The following MAGI2 variants were observed in gnomAD, a reference collection of about 807,000 sequenced individuals.
MAGI2 encodes membrane-associated guanylate kinase, WW and PDZ domain-containing protein 2.
A neutral mutation model predicts 133.3 loss-of-function variants in MAGI2; 35 were observed. That is an observed-to-expected ratio of 0.26 (90% CI 0.20 to 0.35). The LOEUF (loss-of-function observed/expected upper bound fraction) is 0.35, where lower values mean the gene tolerates loss of function less well. MAGI2 is among the 10% of genes least tolerant of loss of function. The probability of loss-of-function intolerance (pLI) is 1.00; values close to 1 mark genes in which losing one functional copy is unlikely to be tolerated. For synonymous variants in MAGI2, 729 were observed against 710.6 expected (o/e 1.03, Z -0.41); for missense variants, 1,636 against 1,863.4 (o/e 0.88, Z 2.25).
At chr7:79,111,099 A>G (rs1332217150) in intron 1 of MAGI2, among the ~76,000 whole-genome samples, 1 of 152,214 alleles carries the variant, frequency 6.6e-6, no homozygotes, top group Non-Finnish European at 1.5e-5. Context: ...CTAATTGTCA[A>G]TACCATGTAT....
Position 78,680,731 on chromosome 7 carries a change from T to C in MAGI2, c.419-53492A>G, listed in dbSNP as rs191652886. Among the ~76,000 whole-genome samples the C allele has an allele frequency of 4.6e-5, 7 of 152,316 alleles. No individual in the cohort carries two copies. In the East Asian group the frequency reaches 1.4e-3, roughly 29 times the overall value. ...CAAATCATTCTTTGTAGAGCTGACCTAAATCCCTCTTAACCCAGTAGGATT... is the reference window on the plus strand; with the variant it reads ...CAAATCATTCTTTGTAGAGCTGACCCAAATCCCTCTTAACCCAGTAGGATT... On this transcript the variant is annotated intron_variant, in intron 2 of 21. Coordinates refer to ENST00000354212, the MANE Select transcript of MAGI2 (RefSeq NM_012301.4).
At chr7:78,052,428 C>T (rs565559640) in intron 21 of MAGI2, among the ~76,000 whole-genome samples, 104 of 152,328 alleles carry the variant, frequency 6.8e-4, no homozygotes, top group Non-Finnish European at 1.2e-3. Flanking sequence ...GTGGAAGCCG[C>T]CTGAAGCCCT....
intron 2 of MAGI2, among the ~76,000 whole-genome samples, chr7:78,799,750 C>T (rs1426512452): frequency 1.3e-5 from 2 of 152,146 alleles, no homozygotes; most frequent in Non-Finnish European, 1.5e-5. Flanking sequence ...TTTTCAAGTT[C>T]TTGGTTGAAG....
At chr7:78,638,762 C>A (rs2150983217) in intron 2 of MAGI2, among the ~76,000 whole-genome samples, 1 of 152,092 alleles carries the variant, frequency 6.6e-6, no homozygotes, top group Non-Finnish European at 1.5e-5. Flanking sequence ...AGACAAATGA[C>A]CCTTTTGTTA....
At chr7:78,669,386 C>T (rs1487979263) in intron 2 of MAGI2, among the ~76,000 whole-genome samples, 1 of 152,062 alleles carries the variant, frequency 6.6e-6, no homozygotes, top group Non-Finnish European at 1.5e-5. Context: ...AGTTGAATCT[C>T]TGAATAGACC....
At chr7:78,124,067 A>AC (rs1298167600) in intron 20 of MAGI2, among the ~76,000 whole-genome samples, 1 of 152,140 alleles carries the variant, frequency 6.6e-6, no homozygotes, top group Non-Finnish European at 1.5e-5. Context: ...ATACATGGCC[A>AC]CTGTTTGTAA....
intron 1 of MAGI2, among the ~76,000 whole-genome samples, chr7:79,338,638 G>T (rs929476987): frequency 5.3e-5 from 8 of 152,054 alleles, no homozygotes; most frequent in African/African-American, 1.2e-4. Context: ...TGACATGTAC[G>T]TTTTTTTCTG....
chr7:79,141,572 T>C (rs1442878323), intron 1 of MAGI2, among the ~76,000 whole-genome samples: 1 of 152,196 alleles, frequency 6.6e-6, no homozygotes, highest in Non-Finnish European at 1.5e-5. Flanking sequence ...TGTTTTTTTA[T>C]TTCTTTGCTC....
chr7:78,105,693 T>G (rs1012750000), intron 20 of MAGI2, among the ~76,000 whole-genome samples: 2 of 152,078 alleles, frequency 1.3e-5, no homozygotes, highest in African/African-American at 2.4e-5. Flanking sequence ...CTATTGTTAT[T>G]GTTGTATTTT....
At chr7:78,345,769 G>C (rs1228658152) in intron 8 of MAGI2, among the ~76,000 whole-genome samples, 153 bp downstream of exon 8, 1 of 152,228 alleles carries the variant, frequency 6.6e-6, no homozygotes, top group Admixed American at 6.5e-5. Context: ...TTAGTTTAGA[G>C]AGAATGCAAA....
chr7:78,534,037 A>G (rs1797685742), intron 3 of MAGI2, among the ~76,000 whole-genome samples: 1 of 152,214 alleles, frequency 6.6e-6, no homozygotes, highest in East Asian at 1.9e-4. Flanking sequence ...TCATGCAGCA[A>G]ACATTTACTG....
chr7:78,499,612 T>C (rs73374290), intron 5 of MAGI2, among the ~76,000 whole-genome samples: 4,187 of 151,804 alleles, frequency 0.028, 141 homozygotes, highest in African/African-American at 0.077. Flanking sequence ...AAACCTGATG[T>C]AGTTAAAAGA....
intron 18 of MAGI2, among the ~76,000 whole-genome samples, chr7:78,130,818 C>A (rs1821490950): frequency 6.6e-6 from 1 of 152,206 alleles, no homozygotes; most frequent in Non-Finnish European, 1.5e-5. Context: ...ATCTGAATCC[C>A]AGAGTTAGGA....
At chr7:79,404,735 G>A (rs1845691332) in intron 1 of MAGI2, among the ~76,000 whole-genome samples, 1 of 152,066 alleles carries the variant, frequency 6.6e-6, no homozygotes, top group Non-Finnish European at 1.5e-5. Context: ...TGGGGCCCAG[G>A]ATACCCACCC....
At chr7:79,393,240 A>C (rs1053637313) in intron 1 of MAGI2, among the ~76,000 whole-genome samples, 1 of 152,218 alleles carries the variant, frequency 6.6e-6, no homozygotes, top group African/African-American at 2.4e-5. Context: ...AATAGACTCC[A>C]GTAACAACAG....
intron 6 of MAGI2, among the ~76,000 whole-genome samples, chr7:78,373,413 G>A (rs1794121745): frequency 6.6e-6 from 1 of 152,146 alleles, no homozygotes; most frequent in South Asian, 2.1e-4. Flanking sequence ...TGGGTTCAAT[G>A]TACTTATGAA....
At chr7:78,487,170 T>C (rs7802564) in intron 6 of MAGI2, 81,141 of 172,972 alleles carry the variant, frequency 0.47, 19,422 homozygotes, top group South Asian at 0.62. Context: ...TGCAGCAGGA[T>C]GGGGAAAAAA....
At chr7:78,493,958 C>T (rs1473943088) in intron 5 of MAGI2, among the ~76,000 whole-genome samples, 1 of 151,992 alleles carries the variant, frequency 6.6e-6, no homozygotes, top group Non-Finnish European at 1.5e-5. Context: ...ATTTGAATCA[C>T]TTTCTTTTTC....
chr7:78,522,917 A>G (rs1796629769), intron 3 of MAGI2, among the ~76,000 whole-genome samples: 1 of 152,180 alleles, frequency 6.6e-6, no homozygotes, highest in South Asian at 2.1e-4. Context: ...GAGAAAAAGG[A>G]TGAATACAAT....
Sources: allele counts gnomAD v4.1 joint callset (sites outside exome capture counted in the v4.1 genomes callset), GRCh38; gene constraint gnomAD v4.1.1; transcripts MANE v1.5; gene names NCBI Gene and HGNC (gene_info 2026-07-23, HGNC 2026-07-21).